The following PCDHA4 variants were observed in gnomAD, a reference collection of about 807,000 sequenced individuals.
PCDHA4 encodes the protein protocadherin alpha 4, also known as protocadherin alpha-4.
Under a neutral mutation model 61.4 loss-of-function variants are expected in PCDHA4, and 49 were observed. That is an observed-to-expected ratio of 0.80 (90% CI 0.63 to 1.01). PCDHA4 has a LOEUF of 1.01. PCDHA4 is among the 50% of genes least tolerant of loss of function. The probability of loss-of-function intolerance (pLI) is 0.00; values close to 1 mark genes in which losing one functional copy is unlikely to be tolerated. For synonymous variants in PCDHA4, 590 were observed against 550.3 expected (o/e 1.07, Z -1.01); for missense variants, 1,254 against 1,235.8 (o/e 1.01, Z -0.22).
intron 1 of PCDHA4, chr5:140,851,710 G>C: frequency 1.0e-6 from 1 of 958,600 alleles, no homozygotes; most frequent in Non-Finnish European, 1.3e-6. Context: ...GCCATGTGAA[G>C]ATTCGAAACT....
At chr5:140,892,537 CTT>C (rs570429050) in intron 1 of PCDHA4, among the ~76,000 whole-genome samples, 2 of 152,252 alleles carry the variant, frequency 1.3e-5, no homozygotes, top group South Asian at 4.1e-4. Flanking sequence ...AGGATTCTGA[CTT>C]TTGTTTCTCT....
intron 1 of PCDHA4, chr5:140,862,802 T>C (rs1554156982): frequency 1.7e-6 from 1 of 577,736 alleles, no homozygotes; most frequent in Non-Finnish European, 3.3e-6. Flanking sequence ...GAGCTGGAGC[T>C]GCTGCAGTTC....
intron 1 of PCDHA4, chr5:140,810,985 G>T (rs1259488309): frequency 6.6e-6 from 1 of 152,024 alleles, no homozygotes; most frequent in East Asian, 1.9e-4. Flanking sequence ...TGAGGTAGGG[G>T]TCAAGATTTA....
intron 1 of PCDHA4, among the ~76,000 whole-genome samples, chr5:140,958,134 T>C (rs1235856780): frequency 6.6e-6 from 1 of 152,150 alleles, no homozygotes; most frequent in African/African-American, 2.4e-5. Flanking sequence ...TGTATCAGTG[T>C]GTATATTTAT....
chr5:140,843,374 G>A (rs1778834369), intron 1 of PCDHA4: 1 of 1,596,014 alleles, frequency 6.3e-7, no homozygotes, highest in Non-Finnish European at 8.6e-7. Context: ...GCAGTCGGCT[G>A]GCGTTTTGGG....
At position 140,850,022 on chromosome 5, in the gene PCDHA4, A is replaced by G. The variant is rs201141536; in HGVS notation, c.2385+40450A>G. The stretch of plus-strand genomic sequence containing the variant: ...AGCGCTCGCTGTCGAGCTACGTGTC[A>G]GTGCACGCGGAGAGCGGCAAGGTGT... On this transcript the variant is annotated intron_variant, in intron 1 of 3. Transcript: ENST00000530339. 38 of 1,596,678 alleles carry G rather than the reference A, an allele frequency of 2.4e-5. 5 individuals are homozygous for G. The highest frequency in any genetic ancestry group is 7.7e-5 in the South Asian group (7 of 90,486).
chr5:140,845,771 A>G (rs1034344709), intron 1 of PCDHA4, among the ~76,000 whole-genome samples: 1 of 149,762 alleles, frequency 6.7e-6, no homozygotes, highest in Admixed American at 6.7e-5. Context: ...GTTAATAGTT[A>G]TAAATTATTA....
At chr5:140,971,782 A>G (rs1458049076) in intron 1 of PCDHA4, among the ~76,000 whole-genome samples, 1 of 152,166 alleles carries the variant, frequency 6.6e-6, no homozygotes, top group Non-Finnish European at 1.5e-5. Context: ...ATTCAAGATT[A>G]TTCAATATAT....
At chr5:140,874,212 T>C (rs1199574859) in intron 1 of PCDHA4, among the ~76,000 whole-genome samples, 1 of 152,252 alleles carries the variant, frequency 6.6e-6, no homozygotes, top group Non-Finnish European at 1.5e-5. Context: ...TTTATTATTA[T>C]ATGCAGTAGG....
chr5:140,834,516 G>C (rs1433865569), intron 1 of PCDHA4: 40 of 1,613,992 alleles, frequency 2.5e-5, no homozygotes, highest in Non-Finnish European at 3.4e-5. Flanking sequence ...TGGCAACTTC[G>C]TGGGCCGCAT....
intron 1 of PCDHA4, among the ~76,000 whole-genome samples, chr5:140,909,265 G>A (rs1289313376): frequency 3.3e-5 from 5 of 152,192 alleles, no homozygotes; most frequent in Non-Finnish European, 7.3e-5. Flanking sequence ...CTGACTGAAG[G>A]CAAATTGCTT....
chr5:140,834,301 G>A (rs2150215052), intron 1 of PCDHA4: 1 of 1,289,234 alleles, frequency 7.8e-7, no homozygotes, highest in Non-Finnish European at 1.1e-6. Flanking sequence ...GCCACACATC[G>A]AGATTGAAAT....
intron 3 of PCDHA4, among the ~76,000 whole-genome samples, chr5:141,006,182 T>G (rs1388785445): frequency 1.3e-5 from 2 of 151,170 alleles, no homozygotes; most frequent in Non-Finnish European, 2.9e-5. Flanking sequence ...TTTAAAAGAG[T>G]TTGCTATATG....
intron 1 of PCDHA4, chr5:140,821,762 G>C: frequency 6.3e-7 from 1 of 1,588,934 alleles, no homozygotes; most frequent in Non-Finnish European, 8.6e-7. Flanking sequence ...GCTCATAATT[G>C]GAACGAGATT....
intron 1 of PCDHA4, chr5:140,854,437 A>G (rs551404343): frequency 6.6e-6 from 1 of 150,916 alleles, no homozygotes; most frequent in African/African-American, 2.4e-5. Context: ...AATTTGAATG[A>G]ATTTTGATGC....
chr5:141,000,555 G>A (rs1395458694), intron 3 of PCDHA4, among the ~76,000 whole-genome samples: 1 of 148,762 alleles, frequency 6.7e-6, no homozygotes, highest in Non-Finnish European at 1.5e-5. Context: ...AAACTCCCGA[G>A]TAGCTGGGAT....
At chr5:140,864,746 A>G (rs989903827) in intron 1 of PCDHA4, 1 of 152,144 alleles carries the variant, frequency 6.6e-6, no homozygotes, top group Admixed American at 6.5e-5. Context: ...AGCACCGATT[A>G]TACTCATTTT....
At chr5:140,927,526 G>T in intron 1 of PCDHA4, 3 of 1,614,086 alleles carry the variant, frequency 1.9e-6, no homozygotes, top group Non-Finnish European at 2.5e-6. Flanking sequence ...CGGGCTACCT[G>T]CCCGCTCAGG....
chr5:140,991,981 T>C (rs2097483028), intron 3 of PCDHA4, among the ~76,000 whole-genome samples: 1 of 152,008 alleles, frequency 6.6e-6, no homozygotes, highest in South Asian at 2.1e-4. Flanking sequence ...TTATTCTGCC[T>C]ACCACCCGGT....
Sources: allele counts gnomAD v4.1 joint callset (sites outside exome capture counted in the v4.1 genomes callset), GRCh38; gene constraint gnomAD v4.1.1; transcripts MANE v1.5; gene names NCBI Gene and HGNC (gene_info 2026-07-23, HGNC 2026-07-21).